The following JAKMIP3 variants were observed in gnomAD, a reference collection of about 807,000 sequenced individuals.
JAKMIP3 encodes the protein Janus kinase and microtubule interacting protein 3.
In JAKMIP3, 58 loss-of-function variants were observed where a neutral mutation model predicts 118.5. The ratio of observed to expected loss-of-function variants is 0.49; its 90% CI spans 0.40 to 0.61. The LOEUF is 0.61. JAKMIP3 is among the 20% of genes least tolerant of loss of function. The pLI, the probability that JAKMIP3 is intolerant of heterozygous loss-of-function variation, is 0.00. For synonymous variants in JAKMIP3, 486 were observed against 451.2 expected (o/e 1.08, Z -0.98); for missense variants, 950 against 1,109.0 (o/e 0.86, Z 2.04).
intron 23 of JAKMIP3, among the ~76,000 whole-genome samples, chr10:132,171,481 C>T (rs1462480014): frequency 5.9e-5 from 9 of 152,264 alleles, no homozygotes; most frequent in Middle Eastern, 3.4e-3. Flanking sequence ...AAATGAGACG[C>T]GAGACGTTAC....
chr10:132,045,568 C>T (rs1395704187), intron 1 of JAKMIP3, among the ~76,000 whole-genome samples: 4 of 152,254 alleles, frequency 2.6e-5, no homozygotes, highest in Non-Finnish European at 5.9e-5. Context: ...GGGAAGTGTA[C>T]TGAGGTCTGC....
At chr10:132,106,521 G>T (rs11146184) in intron 2 of JAKMIP3, among the ~76,000 whole-genome samples, 36 of 152,082 alleles carry the variant, frequency 2.4e-4, no homozygotes, top group African/African-American at 6.5e-4. Context: ...TGGCCTGGAG[G>T]GGGGAGTGTT....
rs12259082 is a variant in JAKMIP3, at chr10:132,165,907, C to G, written c.2491-1076C>G. 6.9e-3 allele frequency among the ~76,000 whole-genome samples: 1,047 copies of G among 152,376 alleles called. 12 individuals are homozygous for G. The highest frequency in any genetic ancestry group is 0.024 in the African/African-American group (987 of 41,592). ...CCACTAGCACGCAGGGGCACCCGGC[C>G]TTGCCGGGAGGGGACACAGTGTTCT... On this transcript the variant is annotated intron_variant, in intron 21 of 23. Transcript: ENST00000684848.
intron 19 of JAKMIP3, among the ~76,000 whole-genome samples, chr10:132,156,061 A>G (rs1456411587): frequency 6.6e-6 from 1 of 152,170 alleles, no homozygotes; most frequent in African/African-American, 2.4e-5. Flanking sequence ...TGATGTAAAA[A>G]GCAGAGGCCC....
At chr10:132,051,086 G>A (rs1194212886) in intron 1 of JAKMIP3, among the ~76,000 whole-genome samples, 1 of 141,876 alleles carries the variant, frequency 7.0e-6, no homozygotes, top group Non-Finnish European at 1.5e-5. Flanking sequence ...GTCTTTCCTG[G>A]CATGTTGGTC....
chr10:132,093,723 C>T (rs1032795347), intron 1 of JAKMIP3, among the ~76,000 whole-genome samples: 10 of 152,138 alleles, frequency 6.6e-5, no homozygotes, highest in Admixed American at 2.0e-4. Flanking sequence ...GGCTCACGTT[C>T]GGTGGGCTGC....
chr10:132,050,908 G>A (rs562225831), intron 1 of JAKMIP3, among the ~76,000 whole-genome samples: 69 of 146,054 alleles, frequency 4.7e-4, no homozygotes, highest in African/African-American at 1.5e-3. Flanking sequence ...TTCCTGGCAC[G>A]GTTGGTCTTG....
rs2060955385 is a variant in JAKMIP3 at position 132,180,648 on chromosome 10, T to TGTGCGC, written c.*1104-1704_*1104-1703insCGTGCG. Among the ~76,000 whole-genome samples, 3 of 25,130 alleles carry TGTGCGC rather than the reference T, an allele frequency of 1.2e-4. 1 individual carries two copies. Among genetic ancestry groups the TGTGCGC allele is most frequent in the Admixed American group, 5.2e-4 (1 of 1,930 alleles). The allele number at this position is 25,130 out of a possible 152,430, so 16.5% of individuals were successfully genotyped here. A position where few individuals can be genotyped will look rare whatever the true frequency, so the allele number is the denominator to read the frequency against. The stretch of plus-strand genomic sequence containing the variant: ...GTGCGTGTGTGCGTGCGTGTGTGCG[T>TGTGCGC]GTGCGTGTGCGTGTGTGCGTGTGTG... On this transcript the variant is annotated intron_variant, in intron 23 of 23. Coordinates refer to ENST00000684848, the MANE Select transcript of JAKMIP3 (RefSeq NM_001323087.2).
At chr10:132,078,425 C>T (rs2041177687) in intron 1 of JAKMIP3, among the ~76,000 whole-genome samples, 2 of 152,102 alleles carry the variant, frequency 1.3e-5, no homozygotes, top group African/African-American at 2.4e-5. Context: ...GAAAAATGCT[C>T]GCTTTTGCTT....
At chr10:132,156,215 G>A (rs950390069) in intron 19 of JAKMIP3, among the ~76,000 whole-genome samples, 6 of 152,178 alleles carry the variant, frequency 3.9e-5, no homozygotes, top group East Asian at 3.9e-4. Context: ...TCCCTCCCTC[G>A]GCTCAGTCTC....
At chr10:132,090,509 T>C (rs570426068) in intron 1 of JAKMIP3, among the ~76,000 whole-genome samples, 12 of 152,360 alleles carry the variant, frequency 7.9e-5, no homozygotes, top group African/African-American at 1.7e-4. Flanking sequence ...GAGGTGTTTA[T>C]AGTATTCTCT....
rs1203601037 is a variant in JAKMIP3 at position 132,112,719 on chromosome 10, C to T, written c.136-4358C>T. 2.0e-5 allele frequency among the ~76,000 whole-genome samples: 3 copies of T among 152,132 alleles called. No homozygotes were observed. Among genetic ancestry groups the T allele is most frequent in the Non-Finnish European group, 2.9e-5 (2 of 68,032 alleles). On this transcript the variant is annotated intron_variant, in intron 2 of 23. Transcript: ENST00000684848. This position sits in a 1 kb window ranked among gnomAD's most constrained non-coding sequence, Gnocchi z 4.3. ...TAGTTCCCATGAAGGGTCTGGGATTCGGATTCTCCTTGTCCACAGCCACGT... is the reference window on the plus strand; with the variant it reads ...TAGTTCCCATGAAGGGTCTGGGATTTGGATTCTCCTTGTCCACAGCCACGT...
At chr10:132,178,866 C>T (rs752606851) in intron 23 of JAKMIP3, among the ~76,000 whole-genome samples, 12 of 152,232 alleles carry the variant, frequency 7.9e-5, no homozygotes, top group African/African-American at 1.4e-4. Flanking sequence ...CACACACAGA[C>T]GGCAGGGGCC....
At chr10:132,147,802 C>T (rs1297847113) in intron 13 of JAKMIP3, 150 bp from the exon 14 acceptor site, 6 of 580,718 alleles carry the variant, frequency 1.0e-5, no homozygotes, top group South Asian at 4.0e-5. Flanking sequence ...CCAAACATAC[C>T]GAGGGCTGTG....
At chr10:132,100,156 C>T (rs2044602030) in intron 1 of JAKMIP3, among the ~76,000 whole-genome samples, 1 of 152,224 alleles carries the variant, frequency 6.6e-6, no homozygotes, top group Non-Finnish European at 1.5e-5. Flanking sequence ...AGTGTGCTGC[C>T]CTCACAGGCC....
At chr10:132,099,535 A>C (rs2044497443) in intron 1 of JAKMIP3, among the ~76,000 whole-genome samples, 1 of 152,218 alleles carries the variant, frequency 6.6e-6, no homozygotes, top group Non-Finnish European at 1.5e-5. Context: ...AACCCTGTGC[A>C]GCAGAGGAAG....
At chr10:132,067,128 C>T (rs1362016190) in intron 1 of JAKMIP3, among the ~76,000 whole-genome samples, 1 of 152,018 alleles carries the variant, frequency 6.6e-6, no homozygotes, top group Non-Finnish European at 1.5e-5. Context: ...AGGAAGGACC[C>T]TCAGTTTACA....
intron 4 of JAKMIP3, 23 bp downstream of exon 4, chr10:132,133,550 G>A (rs372501697): frequency 1.5e-4 from 231 of 1,544,188 alleles, no homozygotes; most frequent in East Asian, 1.1e-3. Flanking sequence ...CAGGCCCACC[G>A]GCCCACCCCG....
At position 132,118,234 on chromosome 10, in the gene JAKMIP3, A is replaced by G. The variant is rs1227077649; in HGVS notation, c.633+660A>G. On this transcript the variant is annotated intron_variant, in intron 3 of 23. Coordinates refer to ENST00000684848, the MANE Select transcript of JAKMIP3 (RefSeq NM_001323087.2). This position sits in a 1 kb window ranked among gnomAD's most constrained non-coding sequence, Gnocchi z 4.8. ...CTGGTGCAGCCTAATAGCTCCAGAG[A>G]CCTGGGCACCCATGGCAGGCACCAG... Among the ~76,000 whole-genome samples the G allele has an allele frequency of 2.0e-5, 3 of 152,200 alleles. No individual in the cohort carries two copies. In the East Asian group the frequency reaches 5.8e-4, roughly 29 times the overall value.
Sources: allele counts gnomAD v4.1 joint callset (sites outside exome capture counted in the v4.1 genomes callset), GRCh38; gene constraint gnomAD v4.1.1; non-coding constraint Gnocchi (gnomAD v3.1); transcripts MANE v1.5; gene names NCBI Gene and HGNC (gene_info 2026-07-23, HGNC 2026-07-21).